Variants in TTC12 observed in about 807,000 individuals in gnomAD.
The protein encoded by TTC12 is tetratricopeptide repeat protein 12.
A neutral mutation model predicts 90.1 loss-of-function variants in TTC12; 70 were observed. The ratio of observed to expected loss-of-function variants is 0.78; its 90% CI spans 0.64 to 0.95. TTC12 has a LOEUF of 0.95. Among genes scored for constraint, TTC12 ranks in the 40% least tolerant of loss-of-function variants. The pLI, the probability that TTC12 is intolerant of heterozygous loss-of-function variation, is 0.00. For synonymous variants in TTC12, 296 were observed against 311.5 expected (o/e 0.95, Z 0.53); for missense variants, 819 against 846.1 (o/e 0.97, Z 0.40).
intron 2 of TTC12, among the ~76,000 whole-genome samples, chr11:113,319,482 A>G (rs536196090): frequency 1.5e-4 from 23 of 152,332 alleles, no homozygotes; most frequent in African/African-American, 4.8e-4. Context: ...GACATGAAAG[A>G]AGAGCTAAAT....
At chr11:113,353,374 G>A (rs1177351610) in intron 16 of TTC12, among the ~76,000 whole-genome samples, 2 of 152,094 alleles carry the variant, frequency 1.3e-5, no homozygotes, top group Admixed American at 1.3e-4. Flanking sequence ...TTAGACCCTT[G>A]TCAGATGCAT....
chr11:113,320,416 C>T (rs1555137794), intron 2 of TTC12, among the ~76,000 whole-genome samples: 5 of 152,094 alleles, frequency 3.3e-5, no homozygotes, highest in African/African-American at 1.2e-4. Context: ...GGAGGAATGT[C>T]TGAACGCCGA....
intron 13 of TTC12, among the ~76,000 whole-genome samples, chr11:113,346,865 A>G (rs576713851): frequency 6.6e-6 from 1 of 152,306 alleles, no homozygotes; most frequent in South Asian, 2.1e-4. Flanking sequence ...TAGGGTCCTA[A>G]ACTGAAGTAA....
chr11:113,349,220 C>T (rs1270874476), intron 13 of TTC12, among the ~76,000 whole-genome samples: 1 of 152,234 alleles, frequency 6.6e-6, no homozygotes, highest in Non-Finnish European at 1.5e-5. Flanking sequence ...CCACACCTTC[C>T]ACCAGTGAGA....
chr11:113,317,856 A>G (rs567031648), intron 2 of TTC12, among the ~76,000 whole-genome samples: 2 of 152,088 alleles, frequency 1.3e-5, no homozygotes, highest in African/African-American at 2.4e-5. Flanking sequence ...GGTATCATGT[A>G]TACCAGTGCT....
intron 16 of TTC12, among the ~76,000 whole-genome samples, chr11:113,357,470 G>A (rs890824589): frequency 6.6e-5 from 10 of 152,094 alleles, no homozygotes; most frequent in African/African-American, 2.4e-4. Flanking sequence ...CTTTCTGGAG[G>A]GGTGTTATGG....
At chr11:113,334,512 A>G (rs529591333) in intron 7 of TTC12, among the ~76,000 whole-genome samples, 1 of 152,276 alleles carries the variant, frequency 6.6e-6, no homozygotes, top group East Asian at 1.9e-4. Flanking sequence ...CTTCTCTTCT[A>G]GTAAACCAGT....
chr11:113,329,672 C>G (rs1555142046), intron 6 of TTC12: 3 of 579,050 alleles, frequency 5.2e-6, no homozygotes. Context: ...TGTTGCTAGC[C>G]CTGCGATTCT....
At chr11:113,346,698 A>G (rs1409507132) in intron 13 of TTC12, among the ~76,000 whole-genome samples, 3 of 150,650 alleles carry the variant, frequency 2.0e-5, no homozygotes, top group Non-Finnish European at 3.0e-5. Context: ...TAGGAAGAAT[A>G]GAAGGGAATG....
downstream of TTC12, chr11:113,366,507 A>G: frequency 6.5e-6 from 5 of 766,270 alleles, no homozygotes; most frequent in Non-Finnish European, 1.0e-5. Context: ...CTCGACTTCC[A>G]TTGTACCCTC....
intron 8 of TTC12, among the ~76,000 whole-genome samples, chr11:113,336,872 G>A (rs1372543956): frequency 6.6e-6 from 1 of 152,050 alleles, no homozygotes; most frequent in Admixed American, 6.5e-5. Context: ...TTATCGTGTC[G>A]ATTTTTGCAA....
intron 21 of TTC12, chr11:113,371,552 A>T (rs1950386972): frequency 6.6e-6 from 1 of 150,460 alleles, no homozygotes; most frequent in South Asian, 2.1e-4. Flanking sequence ...TGGCTAGTCC[A>T]TGCCCCCTTA....
chr11:113,373,219 A>G (rs1005450469), exon 22 of TTC12: 146 of 985,244 alleles, frequency 1.5e-4, no homozygotes, highest in Non-Finnish European at 1.7e-4. Context: ...TCCCCAACCC[A>G]TGCGATTCAT....
intron 7 of TTC12, among the ~76,000 whole-genome samples, chr11:113,332,668 G>T (rs1192141736): frequency 1.3e-5 from 2 of 152,056 alleles, no homozygotes; most frequent in Non-Finnish European, 2.9e-5. Flanking sequence ...TCTGCAAAAG[G>T]CTCTCAGACC....
chr11:113,339,772 C>T (rs1555145461), intron 10 of TTC12, among the ~76,000 whole-genome samples: 2 of 152,260 alleles, frequency 1.3e-5, no homozygotes, highest in African/African-American at 4.8e-5. Flanking sequence ...TCAGCTTTCA[C>T]TCACTTGAAT....
At chr11:113,317,651 G>A (rs567930610) in intron 2 of TTC12, among the ~76,000 whole-genome samples, 1 of 152,096 alleles carries the variant, frequency 6.6e-6, no homozygotes, top group East Asian at 1.9e-4. Flanking sequence ...GCTCTCATCA[G>A]GACTTAAGTC....
chr11:113,349,428 C>T (rs982320078), intron 13 of TTC12, among the ~76,000 whole-genome samples: 4 of 152,130 alleles, frequency 2.6e-5, no homozygotes, highest in East Asian at 1.9e-4. Flanking sequence ...CCAGTAAGTC[C>T]GTTTGGGCAG....
intron 2 of TTC12, among the ~76,000 whole-genome samples, chr11:113,318,813 C>G (rs1947114739): frequency 6.6e-6 from 1 of 151,676 alleles, no homozygotes; most frequent in Non-Finnish European, 1.5e-5. Flanking sequence ...ATAAAAAGCC[C>G]CAAATGTCTG....
At chr11:113,371,605 G>T (rs1436638309) in intron 21 of TTC12, 5 of 152,080 alleles carry the variant, frequency 3.3e-5, no homozygotes, top group Non-Finnish European at 7.3e-5. Context: ...GCCAAGTGAA[G>T]TATCTTCAAT....
Sources: gnomAD v4.1 joint callset for allele counts (sites outside exome capture counted in the v4.1 genomes callset) on GRCh38, gnomAD v4.1.1 for gene constraint, MANE v1.5 for transcripts, NCBI Gene and HGNC (gene_info 2026-07-23, HGNC 2026-07-21) for gene names.